The following CADPS2 variants were observed in gnomAD, a reference collection of about 807,000 sequenced individuals.
The protein encoded by CADPS2 is calcium-dependent secretion activator 2.
In CADPS2, 93 loss-of-function variants were observed where a neutral mutation model predicts 172.5. The ratio of observed to expected loss-of-function variants is 0.54; its 90% CI spans 0.46 to 0.64. CADPS2 has a LOEUF of 0.64. Among genes scored for constraint, CADPS2 ranks in the 30% least tolerant of loss-of-function variants. CADPS2 has a pLI of 0.00. For synonymous variants in CADPS2, 546 were observed against 555.2 expected (o/e 0.98, Z 0.23); for missense variants, 1,420 against 1,565.9 (o/e 0.91, Z 1.57).
At chr7:122,754,495 T>C (rs996553982) in intron 1 of CADPS2, among the ~76,000 whole-genome samples, 1 of 152,306 alleles carries the variant, frequency 6.6e-6, no homozygotes, top group Admixed American at 6.5e-5. Flanking sequence ...TTTTTCTTTT[T>C]GAAATGGAGT....
chr7:122,501,023 G>C (rs1039265431), intron 9 of CADPS2, among the ~76,000 whole-genome samples: 1 of 152,120 alleles, frequency 6.6e-6, no homozygotes, highest in Non-Finnish European at 1.5e-5. Flanking sequence ...GGGAGGCTGA[G>C]GTGAGATGAT....
chr7:122,707,157 C>T lies in CADPS2; in HGVS notation c.453+29798G>A, dbSNP rs148999860. Among the ~76,000 whole-genome samples the T allele has an allele frequency of 1.6e-3, 239 of 151,952 alleles. 4 individuals carry two copies. The highest frequency in any genetic ancestry group is 0.011 in the Admixed American group (173 of 15,176). On this transcript the variant is annotated intron_variant, in intron 2 of 29. Transcript: ENST00000449022. Reference sequence around the variant, plus strand: ...CAAAGGAATAATACTTAACCATTAACCGCAACAAACATGTAATATGCACTG... The same window carrying T: ...CAAAGGAATAATACTTAACCATTAATCGCAACAAACATGTAATATGCACTG...
At chr7:122,846,886 C>T (rs1217950560) in intron 1 of CADPS2, among the ~76,000 whole-genome samples, 1 of 152,178 alleles carries the variant, frequency 6.6e-6, no homozygotes, top group African/African-American at 2.4e-5. Flanking sequence ...TTAGTATGGC[C>T]AGTAGCCAAA....
intron 2 of CADPS2, among the ~76,000 whole-genome samples, chr7:122,727,867 C>A (rs556002805): frequency 6.6e-6 from 1 of 151,974 alleles, no homozygotes; most frequent in Admixed American, 6.6e-5. Context: ...AAGTGAAACA[C>A]AATGGTTAAT....
intron 1 of CADPS2, among the ~76,000 whole-genome samples, chr7:122,752,252 C>T (rs554213702): frequency 8.5e-4 from 129 of 151,998 alleles, no homozygotes; most frequent in African/African-American, 2.7e-3. Context: ...ATTAAGAAAC[C>T]CTGTTTACTC....
chr7:122,495,764 T>C (rs10269606), intron 9 of CADPS2, among the ~76,000 whole-genome samples: 8,086 of 152,250 alleles, frequency 0.053, 281 homozygotes, highest in Non-Finnish European at 0.055. Context: ...TATATACCTG[T>C]GGTATATGAG....
chr7:122,471,213 C>T (rs1285488307), intron 14 of CADPS2, among the ~76,000 whole-genome samples, 162 bp downstream of exon 14: 2 of 151,180 alleles, frequency 1.3e-5, no homozygotes, highest in African/African-American at 2.4e-5. Flanking sequence ...AAATCAATAG[C>T]ATATTGATGC....
intron 1 of CADPS2, among the ~76,000 whole-genome samples, chr7:122,823,278 G>T (rs943812028): frequency 6.6e-6 from 1 of 152,106 alleles, no homozygotes; most frequent in South Asian, 2.1e-4. Context: ...TCTATTTTAG[G>T]GGGAAAAAAT....
chr7:122,814,342 T>C (rs769176428), intron 1 of CADPS2, among the ~76,000 whole-genome samples: 10 of 152,008 alleles, frequency 6.6e-5, no homozygotes, highest in Non-Finnish European at 1.2e-4. Context: ...AACAAACAGA[T>C]TTTTGATACA....
At chr7:122,581,375 A>C in intron 6 of CADPS2, 85 bp from the exon 7 acceptor site, 1 of 993,652 alleles carries the variant, frequency 1.0e-6, no homozygotes, top group Non-Finnish European at 1.6e-6. Context: ...AGGCAAATTA[A>C]ATACAGAATC....
At chr7:122,550,897 A>G (rs1052169947) in intron 8 of CADPS2, among the ~76,000 whole-genome samples, 2 of 152,222 alleles carry the variant, frequency 1.3e-5, no homozygotes, top group Admixed American at 6.5e-5. Flanking sequence ...TTTAGATGAC[A>G]TATTCCAAAA....
chr7:122,320,423 G>T, intron 29 of CADPS2, 85 bp from the exon 30 acceptor site: 2 of 1,060,972 alleles, frequency 1.9e-6, no homozygotes, highest in Non-Finnish European at 2.6e-6. Context: ...TTTCAAAAAT[G>T]ATCTTGGGGA....
intron 28 of CADPS2, 87 bp downstream of exon 28, chr7:122,345,487 T>C (rs798685): frequency 0.76 from 596,971 of 785,810 alleles, 228,825 homozygotes; most frequent in East Asian, 1. Flanking sequence ...AAGGAGACTA[T>C]GCTTTGCAAA....
chr7:122,758,413 T>G (rs2093253493), intron 1 of CADPS2, among the ~76,000 whole-genome samples: 1 of 152,198 alleles, frequency 6.6e-6, no homozygotes, highest in Admixed American at 6.5e-5. Context: ...GCGTATGTAT[T>G]ATAATGACCA....
chr7:122,350,464 G>A (rs1386382709), intron 27 of CADPS2, among the ~76,000 whole-genome samples: 1 of 151,836 alleles, frequency 6.6e-6, no homozygotes, highest in Admixed American at 6.6e-5. Flanking sequence ...TTTTTCAAAA[G>A]CATTTGAAGT....
At chr7:122,555,104 C>T (rs961055627) in intron 7 of CADPS2, among the ~76,000 whole-genome samples, 2 of 151,956 alleles carry the variant, frequency 1.3e-5, no homozygotes, top group African/African-American at 4.8e-5. Flanking sequence ...TGAAACAGCA[C>T]AAATATGCCT....
At chr7:122,340,403 G>A (rs1196799063) in intron 28 of CADPS2, among the ~76,000 whole-genome samples, 1 of 152,136 alleles carries the variant, frequency 6.6e-6, no homozygotes, top group East Asian at 1.9e-4. Flanking sequence ...GGTGGGCAGT[G>A]CCCAATAAAT....
chr7:122,808,207 A>G (rs1042171277), intron 1 of CADPS2, among the ~76,000 whole-genome samples: 2 of 151,980 alleles, frequency 1.3e-5, no homozygotes, highest in Non-Finnish European at 2.9e-5. Context: ...AAAGCTAGGA[A>G]ATATGGGCTT....
intron 6 of CADPS2, among the ~76,000 whole-genome samples, chr7:122,594,290 C>G (rs1330530022): frequency 6.6e-6 from 1 of 151,732 alleles, no homozygotes; most frequent in Non-Finnish European, 1.5e-5. Flanking sequence ...AAAAAAATTA[C>G]AAGAAGAGAC....
Sources: allele counts gnomAD v4.1 joint callset (sites outside exome capture counted in the v4.1 genomes callset), GRCh38; gene constraint gnomAD v4.1.1; transcripts MANE v1.5; gene names NCBI Gene and HGNC (gene_info 2026-07-23, HGNC 2026-07-21).